RNLS: variants seen among roughly 807,000 people sequenced by gnomAD.
RNLS encodes renalase, FAD dependent amine oxidase, also known as renalase.
In RNLS, 39 loss-of-function variants were observed where a neutral mutation model predicts 39.8. That is an observed-to-expected ratio of 0.98 (90% CI 0.76 to 1.28). The LOEUF (loss-of-function observed/expected upper bound fraction) is 1.28, where lower values mean the gene tolerates loss of function less well. Ranked by LOEUF, RNLS falls within the 50% of genes most tolerant of loss-of-function variation. The pLI, the probability that RNLS is intolerant of heterozygous loss-of-function variation, is 0.00. For missense variants in RNLS, 410 were observed against 413.3 expected (o/e 0.99, Z 0.07); for synonymous variants, 147 against 150.7 (o/e 0.98, Z 0.18).
chr10:88,336,890 G>A (rs538612033), intron 5 of RNLS, among the ~76,000 whole-genome samples: 433 of 152,104 alleles, frequency 2.8e-3, no homozygotes, highest in Non-Finnish European at 4.4e-3. Flanking sequence ...ACATCAAGGT[G>A]TTGTGTTAAA....
intron 6 of RNLS, chr10:88,309,288 A>G: frequency 5.5e-6 from 4 of 721,464 alleles, no homozygotes; most frequent in South Asian, 5.0e-5. Flanking sequence ...TTAAAAAATA[A>G]GGAAAAGAAA....
intron 4 of RNLS, among the ~76,000 whole-genome samples, chr10:88,571,773 C>T (rs965784695): frequency 1.3e-5 from 2 of 152,184 alleles, no homozygotes; most frequent in Non-Finnish European, 2.9e-5. Flanking sequence ...CTTTTGCTGA[C>T]ATTACTTCCC....
At chr10:88,383,880 A>T (rs1422130069) in intron 4 of RNLS, among the ~76,000 whole-genome samples, 3 of 152,184 alleles carry the variant, frequency 2.0e-5, no homozygotes, top group African/African-American at 7.2e-5. Flanking sequence ...CAGCATTAAC[A>T]GATGGGCATG....
chr10:88,541,489 A>C (rs531265035), intron 4 of RNLS, among the ~76,000 whole-genome samples: 21 of 152,298 alleles, frequency 1.4e-4, no homozygotes, highest in Non-Finnish European at 2.9e-4. Context: ...AATGACCTAC[A>C]GTGTCTGACA....
chr10:88,479,785 CT>C (rs1844045958), intron 4 of RNLS, among the ~76,000 whole-genome samples: 3 of 124,438 alleles, frequency 2.4e-5, no homozygotes, highest in Non-Finnish European at 3.5e-5. Context: ...ACTTTCTTTT[CT>C]TTTTTTCTTT....
At chr10:88,418,146 A>T (rs1854153264) in intron 4 of RNLS, among the ~76,000 whole-genome samples, 1 of 150,262 alleles carries the variant, frequency 6.7e-6, no homozygotes, top group African/African-American at 2.5e-5. Context: ...TTTTTGCCTC[A>T]TCGAAGCTAA....
chr10:88,408,409 G>A (rs1205007199), intron 4 of RNLS, among the ~76,000 whole-genome samples: 4 of 151,962 alleles, frequency 2.6e-5, no homozygotes, highest in African/African-American at 4.8e-5. Context: ...GAGGTGATGC[G>A]TTTTGAGAAG....
intron 5 of RNLS, among the ~76,000 whole-genome samples, chr10:88,319,372 C>T (rs1399204376): frequency 2.6e-5 from 4 of 152,102 alleles, no homozygotes; most frequent in African/African-American, 7.2e-5. Context: ...AAAAAAAAAC[C>T]TAGAGTGGAT....
At chr10:88,343,525 A>G (rs1248674002) in intron 5 of RNLS, 1 of 981,122 alleles carries the variant, frequency 1.0e-6, no homozygotes, top group Non-Finnish European at 1.2e-6. Flanking sequence ...ATATTTTCCA[A>G]AAACAACAAA....
At chr10:88,498,620 T>C (rs1305075929) in intron 4 of RNLS, among the ~76,000 whole-genome samples, 1 of 151,038 alleles carries the variant, frequency 6.6e-6, no homozygotes, top group Non-Finnish European at 1.5e-5. Context: ...AATATGTAAT[T>C]ATGTTACTAA....
At chr10:88,362,184 T>TA (rs200594552) in intron 5 of RNLS, among the ~76,000 whole-genome samples, 4 of 150,820 alleles carry the variant, frequency 2.7e-5, no homozygotes, top group Admixed American at 6.6e-5. Flanking sequence ...CTTATCAAAT[T>TA]AAAAAAAAAT....
At chr10:88,248,053 C>T in the RNLS span, among the ~76,000 whole-genome samples, 9 of 152,306 alleles carry the variant, frequency 5.9e-5, no homozygotes, top group Non-Finnish European at 1.0e-4. Flanking sequence ...TAAGATGATA[C>T]GTACATGTTG....
At chr10:88,492,048 G>A (rs1168185505) in intron 4 of RNLS, among the ~76,000 whole-genome samples, 3 of 151,150 alleles carry the variant, frequency 2.0e-5, no homozygotes, top group African/African-American at 7.3e-5. Context: ...CTAGATTTGA[G>A]AAAAGATGGA....
intron 6 of RNLS, among the ~76,000 whole-genome samples, chr10:88,300,754 G>T (rs1844455235): frequency 6.6e-6 from 1 of 152,172 alleles, no homozygotes; most frequent in Admixed American, 6.5e-5. Context: ...CATAGTGGAA[G>T]CTCAACAAAT....
chr10:88,579,566 T>A (rs554791544), intron 3 of RNLS, among the ~76,000 whole-genome samples: 1 of 152,244 alleles, frequency 6.6e-6, no homozygotes, highest in African/African-American at 2.4e-5. Context: ...TTTTCTAAGC[T>A]CCTGCACATG....
intron 4 of RNLS, among the ~76,000 whole-genome samples, chr10:88,539,429 T>C (rs187162335): frequency 6.6e-6 from 1 of 152,108 alleles, no homozygotes; most frequent in Non-Finnish European, 1.5e-5. Flanking sequence ...GAATACAAAT[T>C]CGTCACACTT....
At chr10:88,434,328 A>G (rs781143371) in intron 4 of RNLS, among the ~76,000 whole-genome samples, 1 of 152,154 alleles carries the variant, frequency 6.6e-6, no homozygotes, top group Non-Finnish European at 1.5e-5. Flanking sequence ...TGAAAAAAGA[A>G]TAACAACAGG....
intron 6 of RNLS, among the ~76,000 whole-genome samples, chr10:88,311,589 T>A (rs945206349): frequency 3.3e-5 from 5 of 152,222 alleles, no homozygotes; most frequent in African/African-American, 1.2e-4. Context: ...TTTCTTCACC[T>A]GCCTCTTTCC....
At position 88,403,821 on chromosome 10, in the gene RNLS, G is replaced by A. The variant is rs141384858; in HGVS notation, c.527-41096C>T. Among the ~76,000 whole-genome samples, 250 of 151,964 alleles carry A rather than the reference G, an allele frequency of 1.6e-3. 3 individuals carry two copies. Among genetic ancestry groups the A allele is most frequent in the East Asian group, 0.011 (56 of 5,158 alleles). On this transcript the variant is annotated intron_variant, in intron 4 of 6. Coordinates refer to ENST00000331772, the MANE Select transcript of RNLS (RefSeq NM_001031709.3). The stretch of plus-strand genomic sequence containing the variant: ...AGGCCGATGCAGGAGGATCACTTGA[G>A]CTCAGGAGTTTGAGACCATCCTGGG...
Sources: allele counts gnomAD v4.1 joint callset (sites outside exome capture counted in the v4.1 genomes callset), GRCh38; gene constraint gnomAD v4.1.1; transcripts MANE v1.5; gene names NCBI Gene and HGNC (gene_info 2026-07-23, HGNC 2026-07-21).